ME2: variants seen among roughly 807,000 people sequenced by gnomAD.
The protein encoded by ME2 is NAD-dependent malic enzyme, mitochondrial.
In ME2, 60 loss-of-function variants were observed where a neutral mutation model predicts 73.7. The ratio of observed to expected loss-of-function variants is 0.81; its 90% CI spans 0.66 to 1.01. The LOEUF is 1.01. ME2 is among the 50% of genes least tolerant of loss of function. The pLI, the probability that ME2 is intolerant of heterozygous loss-of-function variation, is 0.00. For synonymous variants in ME2, 199 were observed against 236.9 expected, an observed-to-expected ratio of 0.84 and a Z score of 1.47; for missense variants, 594 against 705.5, an observed-to-expected ratio of 0.84 and a Z score of 1.79.
chr18:50,897,784 C>T (rs535639928), intron 2 of ME2, among the ~76,000 whole-genome samples: 2 of 151,686 alleles, frequency 1.3e-5, no homozygotes, highest in South Asian at 2.1e-4. Context: ...CGTTTGAACC[C>T]GGAAGTGGAG....
Position 50,921,141 on chromosome 18 carries a change from C to T in ME2, c.1010C>T (p.Ala337Val), listed in dbSNP as rs777154109. 11 of 1,601,276 alleles carry T rather than the reference C, an allele frequency of 6.9e-6. No homozygotes were observed. Among genetic ancestry groups the T allele is most frequent in the Non-Finnish European group, 9.4e-6 (11 of 1,173,948 alleles). ...GAAAATGGCCTGTCAGAACAAGAGG[C>T]ACAAAAGAAAATCTGGATGTTTGAC... Reference protein sequence around the residue: ...MVENGLSEQEAQKKIWMFDKY... With the variant: ...MVENGLSEQEVQKKIWMFDKY... The change falls in exon 10 of 16, where the codon GCA (alanine) becomes GTA (valine). Residue 337 changes from alanine to valine, a missense_variant. By Grantham distance (64) the Ala-to-Val change is moderately conservative (BLOSUM62 0). Coordinates refer to ENST00000321341, the MANE Select transcript of ME2 (RefSeq NM_002396.5).
intron 1 of ME2, among the ~76,000 whole-genome samples, chr18:50,882,067 T>C (rs1257249401): frequency 6.6e-6 from 1 of 152,184 alleles, no homozygotes; most frequent in African/African-American, 2.4e-5. Context: ...GGTGCTGTTA[T>C]GGTTCACTGC....
chr18:50,908,187 C>T lies in ME2; in HGVS notation c.233C>T (p.Pro78Leu), dbSNP rs990954611. Reference protein sequence around the residue: ...FHRNLKKMTSPLEKYIYIMGI... With the variant: ...FHRNLKKMTSLLEKYIYIMGI... ...AGAAACTTGAAGAAAATGACTAGCCCTTTGGAAAAGTAAGAGTTGCTTAGA... is the reference window on the plus strand; with the variant it reads ...AGAAACTTGAAGAAAATGACTAGCCTTTTGGAAAAGTAAGAGTTGCTTAGA... Residue 78 changes from proline (P) to leucine (L), a missense_variant, in exon 3 of 16, where the codon CCT becomes CTT. Transcript: ENST00000321341. 3.8e-6 allele frequency: 6 copies of T among 1,588,274 alleles called. No individual in the cohort carries two copies. Among genetic ancestry groups the T allele is most frequent in the Non-Finnish European group, 4.3e-6 (5 of 1,171,494 alleles).
intron 13 of ME2, chr18:50,939,135 A>G (rs1917883911): frequency 2.5e-5 from 3 of 118,826 alleles, no homozygotes; most frequent in African/African-American, 8.5e-5. Context: ...AGGCAAAAAA[A>G]AAAAGAAAAA....
At chr18:50,883,379 G>A (rs575605965) in intron 1 of ME2, among the ~76,000 whole-genome samples, 4 of 152,324 alleles carry the variant, frequency 2.6e-5, no homozygotes, top group African/African-American at 9.6e-5. Context: ...CAGGTAGGGG[G>A]CCAGGGAGAA....
chr18:50,902,357 A>C (rs1013171319), intron 2 of ME2, among the ~76,000 whole-genome samples: 7 of 152,260 alleles, frequency 4.6e-5, no homozygotes, highest in Non-Finnish European at 7.3e-5. Context: ...TTACACAAAT[A>C]ATATGACTAA....
At chr18:50,897,906 C>T (rs1323914457) in intron 2 of ME2, among the ~76,000 whole-genome samples, 2 of 151,946 alleles carry the variant, frequency 1.3e-5, no homozygotes, top group Non-Finnish European at 2.9e-5. Context: ...GTCTAACATT[C>T]TGGCCTTCTG....
In ME2 at chr18:50,949,683, T is replaced by C. The variant is rs561081097; in HGVS notation, c.*2499T>C. ...AAAGTAATTTTACTACGAAGTTTGC[T>C]TATTAAGTATGCCTGGTACAGTCTT... On this transcript the variant is annotated 3_prime_UTR_variant, in exon 16 of 16. Transcript: ENST00000321341. The C allele has an allele frequency of 1.8e-4, 27 of 152,364 alleles. No homozygotes were observed. The East Asian group carries it at 4.6e-3, about 26-fold the overall frequency. The allele number at this position is 152,364 out of a possible 1,614,324, so 9.4% of individuals were successfully genotyped here. A position where few individuals can be genotyped will look rare whatever the true frequency, so the allele number is the denominator to read the frequency against.
At chr18:50,926,154 C>T (rs1354209048) in intron 12 of ME2, among the ~76,000 whole-genome samples, 2 of 152,122 alleles carry the variant, frequency 1.3e-5, no homozygotes, top group Admixed American at 6.5e-5. Flanking sequence ...ACTCAAAATA[C>T]ATTATTGTTA....
At chr18:50,904,087 C>G (rs567930734) in intron 2 of ME2, among the ~76,000 whole-genome samples, 1 of 152,204 alleles carries the variant, frequency 6.6e-6, no homozygotes, top group East Asian at 1.9e-4. Context: ...TAGATTCACC[C>G]TTTCATCATT....
intron 2 of ME2, among the ~76,000 whole-genome samples, chr18:50,899,733 T>C (rs928254646): frequency 6.6e-6 from 1 of 152,224 alleles, no homozygotes; most frequent in Non-Finnish European, 1.5e-5. Flanking sequence ...GTTACTCCCC[T>C]GTCCTTTGAG....
intron 5 of ME2, 176 bp downstream of exon 5, chr18:50,916,419 C>T: frequency 2.1e-6 from 1 of 486,630 alleles, no homozygotes; most frequent in South Asian, 3.7e-5. Context: ...AAATGGGCTA[C>T]TGGTATAAAG....
intron 7 of ME2, 23 bp downstream of exon 7, chr18:50,918,236 T>C: frequency 6.5e-7 from 1 of 1,532,512 alleles, no homozygotes; most frequent in Non-Finnish European, 9.0e-7. Flanking sequence ...AGTTTGAGTA[T>C]ATGAAAGCAC....
intron 1 of ME2, among the ~76,000 whole-genome samples, chr18:50,890,640 CT>C: frequency 6.6e-6 from 1 of 151,980 alleles, no homozygotes; most frequent in Non-Finnish European, 1.5e-5. Flanking sequence ...GACAGAATTC[CT>C]TTTTTCAACA....
chr18:50,884,345 A>G (rs1164001828), intron 1 of ME2, among the ~76,000 whole-genome samples: 1 of 152,036 alleles, frequency 6.6e-6, no homozygotes, highest in Admixed American at 6.6e-5. Context: ...CAAATTCATT[A>G]TTTTATTTAT....
rs758404256 is a variant in ME2, at chr18:50,912,998, AAATATCATTC to A, written c.392+49_392+58del. ...CTTGTAAATGATTATTGAATAAGGA[AAATATCATTC>A]CATAACACCCATTACATTTCTATTT... On this transcript the variant is annotated intron_variant, in intron 4 of 15. Transcript: ENST00000321341. 34 of 1,489,144 alleles carry A rather than the reference AAATATCATTC, an allele frequency of 2.3e-5. 1 individual carries two copies. In the South Asian group the frequency reaches 4.4e-4, roughly 19 times the overall value. The allele number at this position is 1,489,144 out of a possible 1,614,324, so 92.2% of individuals were successfully genotyped here.
chr18:50,933,470 C>G (rs938275656), intron 13 of ME2: 1 of 151,550 alleles, frequency 6.6e-6, no homozygotes, highest in African/African-American at 2.4e-5. Context: ...TTTTTTTTGC[C>G]CCTCATGTTT....
intron 15 of ME2, among the ~76,000 whole-genome samples, chr18:50,943,718 A>G (rs1378288441): frequency 6.6e-6 from 1 of 152,200 alleles, no homozygotes; most frequent in Admixed American, 6.5e-5. Flanking sequence ...GGGAACAGGT[A>G]GGGAAATGGC....
chr18:50,907,636 T>G (rs1440352134), intron 2 of ME2, among the ~76,000 whole-genome samples: 1 of 152,220 alleles, frequency 6.6e-6, no homozygotes, highest in Non-Finnish European at 1.5e-5. Context: ...GAATATACCA[T>G]AGGATGCTTA....
Sources: allele counts gnomAD v4.1 joint callset (sites outside exome capture counted in the v4.1 genomes callset), GRCh38; gene constraint gnomAD v4.1.1; transcripts MANE v1.5; gene names NCBI Gene and HGNC (gene_info 2026-07-23, HGNC 2026-07-21).